TBX4: variants seen among roughly 807,000 people sequenced by gnomAD.
TBX4 encodes T-box transcription factor 4.
Under a neutral mutation model 54.6 loss-of-function variants are expected in TBX4, and 13 were observed. That is an observed-to-expected ratio of 0.24 (90% CI 0.15 to 0.38). TBX4 has a LOEUF of 0.38. Ranked by LOEUF, TBX4 falls within the 10% of genes least tolerant of loss-of-function variation. The pLI is 1.00. For synonymous variants in TBX4, 314 were observed against 306.7 expected (o/e 1.02, Z -0.25); for missense variants, 631 against 728.5 (o/e 0.87, Z 1.54).
chr17:61,477,241 A>C (rs763704737), intron 5 of TBX4, among the ~76,000 whole-genome samples: 4 of 152,238 alleles, frequency 2.6e-5, no homozygotes, highest in Non-Finnish European at 5.9e-5. Flanking sequence ...TCCTGCCTTC[A>C]ATGGGGAGGG....
rs1303279385 is a variant in TBX4, at chr17:61,475,297, A to C, written c.550-3330A>C. On this transcript the variant is annotated intron_variant, in intron 5 of 8. Transcript: ENST00000644296. The surrounding 1 kb of genome is among the most constrained non-coding windows in gnomAD (Gnocchi z 5.0). ...GGGAACAATCAAAGGTGGATTGTGT[A>C]CATAAGGCATTTACTGAGCCCCATA... Among the ~76,000 whole-genome samples the C allele has an allele frequency of 6.6e-6, 1 of 152,224 alleles. No homozygotes were observed. Among genetic ancestry groups the C allele is most frequent in the Non-Finnish European group, 1.5e-5 (1 of 68,046 alleles).
At chr17:61,466,956 A>G (rs1239181021) in intron 4 of TBX4, among the ~76,000 whole-genome samples, 1 of 152,112 alleles carries the variant, frequency 6.6e-6, no homozygotes, top group African/African-American at 2.4e-5. Context: ...CAGGAGTTTG[A>G]GACCAGCCTG....
At chr17:61,482,764 T>C (rs1032926060) in intron 8 of TBX4, 133 bp from the exon 9 acceptor site, 4 of 1,351,576 alleles carry the variant, frequency 3.0e-6, no homozygotes, top group Non-Finnish European at 4.1e-6. Flanking sequence ...TTGAAATGGC[T>C]CTGGGAGTGC....
chr17:61,479,417 G>A lies in TBX4; in HGVS notation c.703-464G>A, dbSNP rs2060646955. On this transcript the variant is annotated intron_variant, in intron 6 of 8. Transcript: ENST00000644296. The surrounding 1 kb of genome is among the most constrained non-coding windows in gnomAD (Gnocchi z 6.1). The stretch of plus-strand genomic sequence containing the variant: ...TGGCTGTGGTGGATTTTAGGCAGAA[G>A]AGTGACAGAGTCGGAACTGCATCTA... Among the ~76,000 whole-genome samples the A allele has an allele frequency of 6.6e-6, 1 of 152,218 alleles. No homozygotes were observed. The highest frequency in any genetic ancestry group is 2.4e-5 in the African/African-American group (1 of 41,442).
At position 61,478,611 on chromosome 17, in the gene TBX4, G is replaced by T; in HGVS notation, c.550-16G>T. 6.2e-7 allele frequency: 1 copy of T among 1,614,184 alleles called. No homozygotes were observed. On this transcript the variant is annotated splice_polypyrimidine_tract_variant and intron_variant, in intron 5 of 8. Coordinates refer to ENST00000644296, the MANE Select transcript of TBX4 (RefSeq NM_001321120.2). This position sits in a 1 kb window ranked among gnomAD's most constrained non-coding sequence, Gnocchi z 7.4. ...GATGGGGACCTGGAGCTCAGCATGA[G>T]ACCCTTCTCTTCCAGATCATCCTCA...
At chr17:61,454,483 C>A (rs917749420) in intron 1 of TBX4, among the ~76,000 whole-genome samples, 8 of 152,236 alleles carry the variant, frequency 5.3e-5, no homozygotes, top group Non-Finnish European at 7.3e-5. Context: ...CGAGCGCGCC[C>A]AAGCTCGAGG....
At chr17:61,468,695 G>T (rs2060553729) in intron 5 of TBX4, among the ~76,000 whole-genome samples, 1 of 152,240 alleles carries the variant, frequency 6.6e-6, no homozygotes, top group Non-Finnish European at 1.5e-5. Flanking sequence ...GCAGCTAGGA[G>T]AATGTTTAAT....
chr17:61,452,841 A>T, intron 1 of TBX4: 1 of 843,316 alleles, frequency 1.2e-6, no homozygotes, highest in Non-Finnish European at 1.4e-6. Context: ...GGGTCTAGAG[A>T]TCCAAGAGCA....
At position 61,478,300 on chromosome 17, in the gene TBX4, C is replaced by T; in HGVS notation, c.550-327C>T. 2.5e-6 allele frequency: 1 copy of T among 399,246 alleles called. No homozygotes were observed. The highest frequency in any genetic ancestry group is 4.7e-6 in the Non-Finnish European group (1 of 210,670). The allele number at this position is 399,246 out of a possible 1,614,324, so 24.7% of individuals were successfully genotyped here. On this transcript the variant is annotated intron_variant, in intron 5 of 8. Coordinates refer to ENST00000644296, the MANE Select transcript of TBX4 (RefSeq NM_001321120.2). The surrounding 1 kb of genome is among the most constrained non-coding windows in gnomAD (Gnocchi z 7.4). ...ACAGCTCACAATTCCACCTGCTACA[C>T]TGTGCTGAGTTCACAGTGGGCTTTG...
At chr17:61,454,226 A>G (rs990595877) in intron 1 of TBX4, among the ~76,000 whole-genome samples, 1 of 152,274 alleles carries the variant, frequency 6.6e-6, no homozygotes, top group African/African-American at 2.4e-5. Flanking sequence ...GGTAATAAGG[A>G]CAATTAAAAT....
intron 5 of TBX4, 113 bp downstream of exon 5, chr17:61,467,770 G>GGC: frequency 7.2e-7 from 1 of 1,388,978 alleles, no homozygotes; most frequent in Non-Finnish European, 1.0e-6. Flanking sequence ...TCCAGGCTTT[G>GGC]GCGCTCACTG....
In TBX4 at chr17:61,483,169, G is replaced by A. The variant is rs774437880; in HGVS notation, c.1294G>A (p.Val432Met). 102 of 1,613,970 alleles carry A rather than the reference G, an allele frequency of 6.3e-5. No individual in the cohort carries two copies. In the South Asian group the frequency reaches 6.4e-4, roughly 10 times the overall value. Residue 432 changes from valine (V) to methionine (M), a missense_variant, in exon 9 of 9, where the codon GTG becomes ATG. Val to Met is a conservative substitution (Grantham distance 21). This residue lies in a region of TBX4 where 354 missense variants were observed against 368.9 expected (regional missense o/e 0.96). Coordinates refer to ENST00000644296, the MANE Select transcript of TBX4 (RefSeq NM_001321120.2). The surrounding 1 kb of genome is among the most constrained non-coding windows in gnomAD (Gnocchi z 6.6). ...AGTGTCGCCGTACACCAGCTATAGC[G>A]TGCAGACGATGGAGACTGTGCCGTA... Reference protein sequence around the residue: ...TSVSPYTSYSVQTMETVPYQP... With the variant: ...TSVSPYTSYSMQTMETVPYQP...
rs577871243 is a variant in TBX4 at position 61,475,581 on chromosome 17, G to A, written c.550-3046G>A. 2.0e-5 allele frequency among the ~76,000 whole-genome samples: 3 copies of A among 152,286 alleles called. No homozygotes were observed. In the South Asian group the frequency reaches 6.2e-4, roughly 32 times the overall value. On this transcript the variant is annotated intron_variant, in intron 5 of 8. Transcript: ENST00000644296. This position sits in a 1 kb window ranked among gnomAD's most constrained non-coding sequence, Gnocchi z 5.0. ...TGGAGGGGCTTTTGTTTTATAGATA[G>A]AGTCACAGGAATCGGTCACTGAGTG...
In TBX4 at chr17:61,483,652, G is replaced by GTGTA; in HGVS notation, c.*137_*138insGTAT. 2.0e-6 allele frequency: 2 copies of GTGTA among 1,024,356 alleles called. No homozygotes were observed. Among genetic ancestry groups the GTGTA allele is most frequent in the Non-Finnish European group, 1.5e-6 (1 of 685,212 alleles). The allele number at this position is 1,024,356 out of a possible 1,614,324, so 63.5% of individuals were successfully genotyped here. A position where few individuals can be genotyped will look rare whatever the true frequency, so the allele number is the denominator to read the frequency against. On this transcript the variant is annotated 3_prime_UTR_variant, in exon 9 of 9. Transcript: ENST00000644296. The surrounding 1 kb of genome is among the most constrained non-coding windows in gnomAD (Gnocchi z 6.6). ...TGTGTGTGTGTGTGTGTGTGTGTGT[G>GTGTA]TATACACGAGCATGTATGTATTTGG...
rs2060655332 is a variant in TBX4 at position 61,480,364 on chromosome 17, G to T, written c.1021+45G>T. ...GAAGCCCTAGAGGGTAAGAGGAGCGGTGAGGTTCTCCCCGAAACCACTCTG... is the reference window on the plus strand; with the variant it reads ...GAAGCCCTAGAGGGTAAGAGGAGCGTTGAGGTTCTCCCCGAAACCACTCTG... On this transcript the variant is annotated intron_variant, in intron 8 of 8. Coordinates refer to ENST00000644296, the MANE Select transcript of TBX4 (RefSeq NM_001321120.2). This position sits in a 1 kb window ranked among gnomAD's most constrained non-coding sequence, Gnocchi z 6.2. 1 of 1,527,202 alleles carries T rather than the reference G, an allele frequency of 6.5e-7. No individual in the cohort carries two copies. Among genetic ancestry groups the T allele is most frequent in the Non-Finnish European group, 8.9e-7 (1 of 1,123,050 alleles). The allele number at this position is 1,527,202 out of a possible 1,614,324, so 94.6% of individuals were successfully genotyped here. A position where few individuals can be genotyped will look rare whatever the true frequency, so the allele number is the denominator to read the frequency against.
Position 61,464,002 on chromosome 17 carries a change from A to C in TBX4, c.282-1817A>C, listed in dbSNP as rs2143816213. Among the ~76,000 whole-genome samples, 1 of 152,248 alleles carries C rather than the reference A, an allele frequency of 6.6e-6. No homozygotes were observed. The highest frequency in any genetic ancestry group is 1.5e-5 in the Non-Finnish European group (1 of 67,982). ...ATAGGGGGGCTGGTAAGCAGGAGGC[A>C]GGGTTGGGTTCCTGAGCCCCTCACT... On this transcript the variant is annotated intron_variant, in intron 3 of 8. Transcript: ENST00000644296. The surrounding 1 kb of genome is among the most constrained non-coding windows in gnomAD (Gnocchi z 5.8).
Position 61,462,713 on chromosome 17 carries a change from C to A in TBX4, c.282-3106C>A, listed in dbSNP as rs1167735285. 6.6e-6 allele frequency among the ~76,000 whole-genome samples: 1 copy of A among 152,368 alleles called. No homozygotes were observed. The highest frequency in any genetic ancestry group is 2.1e-4 in the South Asian group (1 of 4,832). On this transcript the variant is annotated intron_variant, in intron 3 of 8. Transcript: ENST00000644296. The surrounding 1 kb of genome is among the most constrained non-coding windows in gnomAD (Gnocchi z 4.5). ...TGTCTTCCTTCTTGGTCACCTCCCC[C>A]ACCCCAACACACAAACAGGGAGGCG...
rs1280475470 is a variant in TBX4, at chr17:61,479,746, T to C, written c.703-135T>C. 3.4e-6 allele frequency: 3 copies of C among 883,644 alleles called. No homozygotes were observed. The highest frequency in any genetic ancestry group is 5.6e-6 in the Non-Finnish European group (3 of 534,968). 54.7% of individuals were successfully genotyped at this position (883,644 alleles called of 1,614,324 possible). A position where few individuals can be genotyped will look rare whatever the true frequency, so the allele number is the denominator to read the frequency against. ...GTCCCACCCTCCTCCCCAAGGAGGG[T>C]AGTGAGAAGCGGTGAGGCTGGAGAG... On this transcript the variant is annotated intron_variant, in intron 6 of 8. Coordinates refer to ENST00000644296, the MANE Select transcript of TBX4 (RefSeq NM_001321120.2). This position sits in a 1 kb window ranked among gnomAD's most constrained non-coding sequence, Gnocchi z 6.1.
intron 4 of TBX4, 88 bp downstream of exon 4, chr17:61,466,026 A>C: frequency 6.3e-7 from 1 of 1,590,752 alleles, no homozygotes; most frequent in Non-Finnish European, 8.6e-7. Flanking sequence ...GGGATTTCTT[A>C]GCTACCTGAG....
Sources: gnomAD v4.1 joint callset for allele counts (sites outside exome capture counted in the v4.1 genomes callset) on GRCh38, gnomAD v4.1.1 for gene constraint, gnomAD v4.1.1 regional missense constraint, Gnocchi (gnomAD v3.1) non-coding constraint, MANE v1.5 for transcripts, NCBI Gene and HGNC (gene_info 2026-07-23, HGNC 2026-07-21) for gene names.